The following TAX1BP1 variants were observed in gnomAD, a reference collection of about 807,000 sequenced individuals.
TAX1BP1 encodes tax1-binding protein 1.
TAX1BP1 carries 62 observed loss-of-function variants against 97.7 expected under a neutral mutation model. The observed-to-expected ratio is 0.63, with a 90% CI of 0.52 to 0.78. TAX1BP1 has a LOEUF of 0.78. Ranked by LOEUF, TAX1BP1 falls within the 30% of genes least tolerant of loss-of-function variation. The pLI, the probability that TAX1BP1 is intolerant of heterozygous loss-of-function variation, is 0.00. For synonymous variants in TAX1BP1, 340 were observed against 304.2 expected (o/e 1.12, Z -1.23); for missense variants, 867 against 916.1 (o/e 0.95, Z 0.69).
chr7:27,787,584 T>G lies in TAX1BP1; in HGVS notation c.1019T>G (p.Leu340Arg). Residue 340 changes from leucine to arginine, a missense_variant, in exon 8 of 17, where the codon CTG (leucine) becomes CGG (arginine). Leu to Arg is a moderately radical substitution (Grantham distance 102). This residue lies in a region of TAX1BP1 where 822 missense variants were observed against 851.4 expected (regional missense o/e 0.97). Coordinates refer to ENST00000396319, the MANE Select transcript of TAX1BP1 (RefSeq NM_006024.7). ...AEKENLQRTF[L>R]LTTSSKEDTC... ...AAGGAAAATCTGCAAAGAACTTTCC[T>G]GCTTACAACCTCAAGTAAAGTAAGT... 6.2e-7 allele frequency: 1 copy of G among 1,609,532 alleles called. No homozygotes were observed. The highest frequency in any genetic ancestry group is 8.5e-7 in the Non-Finnish European group (1 of 1,178,250).
chr7:27,787,804 G>A lies in TAX1BP1; in HGVS notation c.1038+201G>A, dbSNP rs774578151. On this transcript the variant is annotated intron_variant, in intron 8 of 16. Transcript: ENST00000396319. ...TTTGTTTTATCTCCCTCATTTATATGCCTTTTTTTCTGAGCGATGTGAGTT... is the reference window on the plus strand; with the variant it reads ...TTTGTTTTATCTCCCTCATTTATATACCTTTTTTTCTGAGCGATGTGAGTT... Among the ~76,000 whole-genome samples, 7 of 152,000 alleles carry A rather than the reference G, an allele frequency of 4.6e-5. 1 individual carries two copies. The highest frequency in any genetic ancestry group is 2.6e-4 in the Admixed American group (4 of 15,268).
At chr7:27,816,855 A>G (rs1218317800) in intron 14 of TAX1BP1, 35 bp from the exon 15 acceptor site, 3 of 1,611,760 alleles carry the variant, frequency 1.9e-6, no homozygotes, top group South Asian at 1.1e-5. Flanking sequence ...TGTAGTAACC[A>G]GTTTCACTCT....
Position 27,828,714 on chromosome 7 carries a change from G to T in TAX1BP1, c.2255G>T (p.Ser752Ile). 6.2e-7 allele frequency: 1 copy of T among 1,614,076 alleles called. No homozygotes were observed. Among genetic ancestry groups the T allele is most frequent in the Non-Finnish European group, 8.5e-7 (1 of 1,179,994 alleles). The change falls in exon 17 of 17, where the codon AGT becomes ATT. Residue 752 changes from serine (S) to isoleucine (I), a missense_variant. By Grantham distance (142) the Ser-to-Ile change is moderately radical. This residue lies in a region of TAX1BP1 where 11 missense variants were observed against 31.4 expected (regional missense o/e 0.35). Coordinates refer to ENST00000396319, the MANE Select transcript of TAX1BP1 (RefSeq NM_006024.7). ...DQSKFEEHVESHWKVCPMCSE... is the reference protein window; with the variant it reads ...DQSKFEEHVEIHWKVCPMCSE... ...AGCAAATTTGAAGAACATGTTGAAA[G>T]TCACTGGAAGGTGTGCCCGATGTGC... is the stretch of plus-strand genomic sequence containing the variant.
intron 2 of TAX1BP1, among the ~76,000 whole-genome samples, chr7:27,755,582 T>C (rs1015449480): frequency 6.6e-5 from 10 of 152,244 alleles, no homozygotes; most frequent in African/African-American, 2.4e-4. Context: ...CATGTTTTTC[T>C]GAAATGTTAA....
At chr7:27,774,242 A>G (rs1168300992) in intron 5 of TAX1BP1, among the ~76,000 whole-genome samples, 1 of 152,054 alleles carries the variant, frequency 6.6e-6, no homozygotes, top group Non-Finnish European at 1.5e-5. Flanking sequence ...ACGTAAAGAT[A>G]TTTTGTGTTG....
rs1269044492 is a variant in TAX1BP1, at chr7:27,816,894, A to G, written c.1941A>G (p.Gly647=). Residue 647 remains glycine (G), a synonymous_variant, in exon 15 of 17, where the codon GGA becomes GGG. Transcript: ENST00000396319. Reference sequence around the variant, plus strand: ...TTTCCAAAAATTTTATTACAGATGGAGCAGATGGTGCTTTTTACCCAGATG... The same window carrying G: ...TTTCCAAAAATTTTATTACAGATGGGGCAGATGGTGCTTTTTACCCAGATG... The part of the protein sequence containing the change: ...NPYASQETRD[G]ADGAFYPDEI... The G allele has an allele frequency of 6.2e-7, 1 of 1,613,918 alleles. No individual in the cohort carries two copies. The highest frequency in any genetic ancestry group is 1.7e-5 in the Admixed American group (1 of 59,934).
chr7:27,792,170 GA>G lies in TAX1BP1; in HGVS notation c.1208del (p.Lys403SerfsTer3). On this transcript the variant is annotated frameshift_variant, in exon 9 of 17. Coordinates refer to ENST00000396319, the MANE Select transcript of TAX1BP1 (RefSeq NM_006024.7). LOFTEE classifies it high-confidence loss of function. Reference protein sequence around the residue: ...HTARLENEKVKKQLADAVAEL... With the variant: ...HTARLENEKVXKQLADAVAEL... ...CTGCACGCTTGGAAAACGAGAAAGT[GA>G]AAAAGCAGTTAGCTGATGCAGTGGC... is the stretch of plus-strand genomic sequence containing the variant. The G allele has an allele frequency of 6.2e-7, 1 of 1,613,810 alleles. No homozygotes were observed. Among genetic ancestry groups the G allele is most frequent in the Non-Finnish European group, 8.5e-7 (1 of 1,179,962 alleles).
intron 7 of TAX1BP1, 74 bp downstream of exon 7, chr7:27,785,563 C>A: frequency 1.6e-6 from 2 of 1,279,266 alleles, no homozygotes; most frequent in African/African-American, 1.5e-5. Flanking sequence ...GGCTGTAGGT[C>A]AGCAATTTAG....
At chr7:27,774,307 C>G (rs961013652) in intron 5 of TAX1BP1, among the ~76,000 whole-genome samples, 2 of 152,028 alleles carry the variant, frequency 1.3e-5, no homozygotes, top group African/African-American at 4.8e-5. Context: ...ATAGAGTTTT[C>G]CTTTTTATTC....
intron 13 of TAX1BP1, among the ~76,000 whole-genome samples, chr7:27,812,324 AT>A (rs1051431253): frequency 6.6e-6 from 1 of 150,650 alleles, no homozygotes; most frequent in Admixed American, 6.6e-5. Flanking sequence ...GTTCAAATCT[AT>A]TTTTTTTTAT....
chr7:27,743,660 A>G (rs1308301353), intron 1 of TAX1BP1, among the ~76,000 whole-genome samples: 1 of 152,254 alleles, frequency 6.6e-6, no homozygotes, highest in Non-Finnish European at 1.5e-5. Flanking sequence ...CCGACACTTT[A>G]CTAATCTTGT....
chr7:27,745,098 T>C (rs146473021), intron 1 of TAX1BP1, among the ~76,000 whole-genome samples: 1,916 of 152,336 alleles, frequency 0.013, 13 homozygotes, highest in Admixed American at 0.02. Flanking sequence ...CTACTTACTA[T>C]ACTCCTGTTT....
chr7:27,795,619 C>T (rs1789896866), intron 11 of TAX1BP1, among the ~76,000 whole-genome samples: 3 of 152,140 alleles, frequency 2.0e-5, no homozygotes, highest in African/African-American at 7.2e-5. Context: ...GTGGCGTGAT[C>T]TCAGCTCCCT....
At chr7:27,761,944 A>G (rs189587725) in intron 3 of TAX1BP1, among the ~76,000 whole-genome samples, 48 of 152,344 alleles carry the variant, frequency 3.2e-4, no homozygotes, top group African/African-American at 1.1e-3. Flanking sequence ...TCCTACCTGC[A>G]ATGAATGATG....
intron 2 of TAX1BP1, among the ~76,000 whole-genome samples, chr7:27,754,158 C>T (rs1788121901): frequency 6.6e-6 from 1 of 152,120 alleles, no homozygotes; most frequent in South Asian, 2.1e-4. Flanking sequence ...CTGTCAAGCA[C>T]ATCAAAAACT....
rs766493242 is a variant in TAX1BP1 at position 27,787,608 on chromosome 7, G to A, written c.1038+5G>A. On this transcript the variant is annotated splice_donor_5th_base_variant and intron_variant, in intron 8 of 16. Coordinates refer to ENST00000396319, the MANE Select transcript of TAX1BP1 (RefSeq NM_006024.7). ...CTGCTTACAACCTCAAGTAAAGTAAGTACTTTTGCTATATATATTTGAAGA... is the reference window on the plus strand; with the variant it reads ...CTGCTTACAACCTCAAGTAAAGTAAATACTTTTGCTATATATATTTGAAGA... 6.3e-7 allele frequency: 1 copy of A among 1,596,980 alleles called. No homozygotes were observed. Among genetic ancestry groups the A allele is most frequent in the Non-Finnish European group, 8.5e-7 (1 of 1,173,736 alleles).
chr7:27,748,499 T>C lies in TAX1BP1; in HGVS notation c.-7-19T>C, dbSNP rs1239565235. ...TTCTTAGTTGGTATAATTTAACTTG[T>C]ATGAATTACTTGTTTCAGATTCACA... is the stretch of plus-strand genomic sequence containing the variant. On this transcript the variant is annotated intron_variant, in intron 1 of 16. Coordinates refer to ENST00000396319, the MANE Select transcript of TAX1BP1 (RefSeq NM_006024.7). 2 of 1,546,488 alleles carry C rather than the reference T, an allele frequency of 1.3e-6. No individual in the cohort carries two copies. The highest frequency in any genetic ancestry group is 1.3e-5 in the South Asian group (1 of 78,554).
chr7:27,780,645 G>T (rs1164832048), intron 5 of TAX1BP1, among the ~76,000 whole-genome samples: 2 of 152,006 alleles, frequency 1.3e-5, no homozygotes, highest in Non-Finnish European at 2.9e-5. Flanking sequence ...CATTGAATTT[G>T]TTTTTGTTTG....
Position 27,748,511 on chromosome 7 carries a change from G to C in TAX1BP1, c.-7-7G>C. On this transcript the variant is annotated splice_region_variant and splice_polypyrimidine_tract_variant and intron_variant, in intron 1 of 16. Coordinates refer to ENST00000396319, the MANE Select transcript of TAX1BP1 (RefSeq NM_006024.7). ...ATAATTTAACTTGTATGAATTACTT[G>C]TTTCAGATTCACAATGACATCCTTT... 1 of 1,568,450 alleles carries C rather than the reference G, an allele frequency of 6.4e-7. No homozygotes were observed. The highest frequency in any genetic ancestry group is 8.7e-7 in the Non-Finnish European group (1 of 1,152,382).
Sources: allele counts gnomAD v4.1 joint callset (sites outside exome capture counted in the v4.1 genomes callset), GRCh38; gene constraint gnomAD v4.1.1; regional missense constraint gnomAD v4.1.1; transcripts MANE v1.5; gene names NCBI Gene and HGNC (gene_info 2026-07-23, HGNC 2026-07-21).